Variants in NRXN1 observed in about 807,000 individuals in gnomAD.
NRXN1 encodes the protein neurexin 1.
In NRXN1, 39 loss-of-function variants were observed where a neutral mutation model predicts 150.9. The ratio of observed to expected loss-of-function variants is 0.26; its 90% CI spans 0.20 to 0.34. The LOEUF (loss-of-function observed/expected upper bound fraction) is 0.34. NRXN1 is among the 10% of genes least tolerant of loss of function. NRXN1 has a pLI of 1.00. For missense variants in NRXN1, 1,815 were observed against 1,949.9 expected (o/e 0.93, Z 1.30); for synonymous variants, 924 against 757.0 (o/e 1.22, Z -3.62).
chr2:50,459,207 T>C (rs1464333685), intron 17 of NRXN1, among the ~76,000 whole-genome samples: 1 of 152,168 alleles, frequency 6.6e-6, no homozygotes, highest in Non-Finnish European at 1.5e-5. Flanking sequence ...TGTAATCCTA[T>C]ACTTTAAAAA....
At chr2:50,594,819 T>G (rs964490811) in intron 8 of NRXN1, among the ~76,000 whole-genome samples, 1 of 152,086 alleles carries the variant, frequency 6.6e-6, no homozygotes, top group Admixed American at 6.6e-5. Flanking sequence ...TGTTTTTACC[T>G]CTTGTCTTAC....
chr2:50,387,202 G>A (rs899296279), intron 17 of NRXN1, among the ~76,000 whole-genome samples: 1 of 152,122 alleles, frequency 6.6e-6, no homozygotes, highest in Non-Finnish European at 1.5e-5. Flanking sequence ...TGAAAAGGAG[G>A]TGGTGAAGGA....
chr2:50,319,887 T>C (rs567903238), intron 17 of NRXN1, among the ~76,000 whole-genome samples: 2 of 152,222 alleles, frequency 1.3e-5, no homozygotes, highest in Admixed American at 1.3e-4. Context: ...CTCTCTATTC[T>C]TGCCTCCTCC....
At chr2:50,106,176 C>T (rs942873454) in intron 18 of NRXN1, among the ~76,000 whole-genome samples, 4 of 150,910 alleles carry the variant, frequency 2.7e-5, no homozygotes, top group Admixed American at 2.6e-4. Flanking sequence ...TTATTTTTAT[C>T]TTAGTTGTTT....
At chr2:50,087,501 A>T (rs1228662475) in intron 19 of NRXN1, among the ~76,000 whole-genome samples, 1 of 152,130 alleles carries the variant, frequency 6.6e-6, no homozygotes, top group Non-Finnish European at 1.5e-5. Flanking sequence ...TATGAGAAAG[A>T]AAGTCTATTT....
At position 50,538,246 on chromosome 2, in the gene NRXN1, A is replaced by G. The variant is rs1211455175; in HGVS notation, c.2143+7T>C. On this transcript the variant is annotated splice_region_variant and intron_variant, in intron 10 of 22. Transcript: ENST00000401669. ...GGGAGTTGGCTGCTGGGGTTTTAGA[A>G]TCCTACCTCTCTCACAGGACCTGCC... 24 of 1,605,368 alleles carry G rather than the reference A, an allele frequency of 1.5e-5. No individual in the cohort carries two copies. The Admixed American group carries it at 3.9e-4, about 26-fold the overall frequency.
chr2:49,953,477 G>C (rs1420165902), intron 21 of NRXN1, among the ~76,000 whole-genome samples: 1 of 151,948 alleles, frequency 6.6e-6, no homozygotes, highest in East Asian at 1.9e-4. Flanking sequence ...GGTGCACATT[G>C]GTTCTTTAAT....
Position 50,305,804 on chromosome 2 carries a change from A to G in NRXN1, c.3365-68834T>C, listed in dbSNP as rs1354994698. Among the ~76,000 whole-genome samples the G allele has an allele frequency of 2.6e-5, 4 of 152,216 alleles. No homozygotes were observed. The East Asian group carries it at 7.7e-4, about 29-fold the overall frequency. On this transcript the variant is annotated intron_variant, in intron 17 of 22. Coordinates refer to ENST00000401669, the MANE Select transcript of NRXN1 (RefSeq NM_001330078.2). ...AGTCTGCTCTAAATTGGTATTCCCA[A>G]TGTTCCTGCCCTTGGGAGTTATAAA... is the stretch of plus-strand genomic sequence containing the variant.
intron 2 of NRXN1, among the ~76,000 whole-genome samples, chr2:50,947,066 C>A (rs1433182882): frequency 1.3e-5 from 2 of 152,072 alleles, no homozygotes; most frequent in Admixed American, 6.6e-5. Context: ...GTAATGATTT[C>A]TCTTAATTCC....
At chr2:50,630,761 T>A (rs748529089) in intron 5 of NRXN1, among the ~76,000 whole-genome samples, 71 of 151,746 alleles carry the variant, frequency 4.7e-4, no homozygotes, top group Non-Finnish European at 7.4e-4. Context: ...AATCAATATA[T>A]GAAAAAACAA....
chr2:50,790,196 TA>T (rs1705735835), intron 5 of NRXN1, among the ~76,000 whole-genome samples: 1 of 151,908 alleles, frequency 6.6e-6, no homozygotes, highest in Non-Finnish European at 1.5e-5. Flanking sequence ...GCTTCCGAAT[TA>T]TGAAATGTGC....
Position 50,098,861 on chromosome 2 carries a change from T to G in NRXN1, c.3547-7367A>C, listed in dbSNP as rs1235734900. Among the ~76,000 whole-genome samples, 76 of 33,678 alleles carry G rather than the reference T, an allele frequency of 2.3e-3. 3 individuals are homozygous for G. Among genetic ancestry groups the G allele is most frequent in the African/African-American group, 8.3e-3 (75 of 9,090 alleles). The allele number at this position is 33,678 out of a possible 152,430, so 22.1% of individuals were successfully genotyped here. ...TTTTTTTTTTTTTTTTTTTTTTTTT[T>G]TTTTTTTTTTTTTTTTTTTTTGGCT... On this transcript the variant is annotated intron_variant, in intron 18 of 22. Coordinates refer to ENST00000401669, the MANE Select transcript of NRXN1 (RefSeq NM_001330078.2).
At chr2:50,781,784 T>C (rs1390744378) in intron 5 of NRXN1, among the ~76,000 whole-genome samples, 1 of 152,210 alleles carries the variant, frequency 6.6e-6, no homozygotes, top group Non-Finnish European at 1.5e-5. Flanking sequence ...TATTAGTTAA[T>C]AGAGTATGCT....
chr2:50,389,403 C>T (rs1181971827), intron 17 of NRXN1, among the ~76,000 whole-genome samples: 3 of 150,940 alleles, frequency 2.0e-5, no homozygotes, highest in Non-Finnish European at 4.4e-5. Flanking sequence ...ACAATGTCCA[C>T]CAGCATACAA....
Position 50,408,227 on chromosome 2 carries a change from G to A in NRXN1, c.3364+57215C>T, listed in dbSNP as rs186518669. On this transcript the variant is annotated intron_variant, in intron 17 of 22. Transcript: ENST00000401669. ...GGGCTACTGTGAAGAATGCAAATCT[G>A]AGTCTACAATAGATTAACATGAGAA... Among the ~76,000 whole-genome samples the A allele has an allele frequency of 2.1e-3, 315 of 152,308 alleles. 1 individual carries two copies. Among genetic ancestry groups the A allele is most frequent in the Non-Finnish European group, 3.1e-3 (210 of 68,028 alleles).
chr2:50,004,963 T>A (rs1194434615), intron 21 of NRXN1, among the ~76,000 whole-genome samples: 1 of 115,760 alleles, frequency 8.6e-6, no homozygotes, highest in Non-Finnish European at 2.1e-5. Flanking sequence ...AAGATGATTG[T>A]TTAACTTGTG....
chr2:49,977,768 C>T (rs1452014240), intron 21 of NRXN1, among the ~76,000 whole-genome samples: 2 of 152,152 alleles, frequency 1.3e-5, no homozygotes, highest in African/African-American at 4.8e-5. Context: ...ATCTGTTCTT[C>T]ATAGGTTTTT....
intron 5 of NRXN1, among the ~76,000 whole-genome samples, chr2:50,885,552 T>C (rs1680106573): frequency 6.6e-6 from 1 of 151,380 alleles, no homozygotes. Context: ...AATGAAATTT[T>C]CTTGGTCTCA....
intron 2 of NRXN1, among the ~76,000 whole-genome samples, chr2:50,934,571 G>T (rs1055020773): frequency 6.6e-6 from 1 of 152,126 alleles, no homozygotes; most frequent in African/African-American, 2.4e-5. Flanking sequence ...TACCAGGCTG[G>T]ACAGCACAAA....
Sources: gnomAD v4.1 joint callset for allele counts (sites outside exome capture counted in the v4.1 genomes callset) on GRCh38, gnomAD v4.1.1 for gene constraint, MANE v1.5 for transcripts, NCBI Gene and HGNC (gene_info 2026-07-23, HGNC 2026-07-21) for gene names.